The following AK7 variants were observed in gnomAD, a reference collection of about 807,000 sequenced individuals.
The protein encoded by AK7 is adenylate kinase 7.
AK7 carries 78 observed loss-of-function variants against 96.6 expected under a neutral mutation model. The observed-to-expected ratio is 0.81, with a 90% CI of 0.67 to 0.97. The LOEUF (loss-of-function observed/expected upper bound fraction) is 0.97. Among genes scored for constraint, AK7 ranks in the 50% least tolerant of loss-of-function variants. The pLI, the probability that AK7 is intolerant of heterozygous loss-of-function variation, is 0.00. For missense variants in AK7, 855 were observed against 887.9 expected (o/e 0.96, Z 0.47); for synonymous variants, 302 against 317.2 (o/e 0.95, Z 0.51).
chr14:96,473,102 A>G (rs1025202389), intron 14 of AK7, among the ~76,000 whole-genome samples: 5 of 151,396 alleles, frequency 3.3e-5, no homozygotes, highest in Non-Finnish European at 5.9e-5. Flanking sequence ...ATGCTGTCTG[A>G]TATCTCTCTC....
chr14:96,461,073 G>A (rs1323989512), intron 12 of AK7, among the ~76,000 whole-genome samples: 2 of 152,232 alleles, frequency 1.3e-5, no homozygotes, highest in African/African-American at 4.8e-5. Flanking sequence ...AGATTTCCCA[G>A]AGGGGAAAGG....
At chr14:96,468,419 C>A (rs774401155) in intron 12 of AK7, among the ~76,000 whole-genome samples, 1 of 151,682 alleles carries the variant, frequency 6.6e-6, no homozygotes, top group Non-Finnish European at 1.5e-5. Context: ...CCTCAGCCTC[C>A]CGAGTAGCTG....
chr14:96,406,937 G>T (rs978921862), intron 3 of AK7, among the ~76,000 whole-genome samples: 10 of 152,254 alleles, frequency 6.6e-5, no homozygotes, highest in South Asian at 4.2e-4. Context: ...CTCCAACAGG[G>T]CTGGGATTAC....
chr14:96,473,346 T>G (rs1399979644), intron 14 of AK7, among the ~76,000 whole-genome samples: 1 of 151,788 alleles, frequency 6.6e-6, no homozygotes, highest in African/African-American at 2.4e-5. Context: ...AATTTTTTTG[T>G]ATTTTTAGTA....
intron 3 of AK7, among the ~76,000 whole-genome samples, chr14:96,407,758 T>A (rs1013982066): frequency 1.3e-4 from 20 of 151,944 alleles, no homozygotes; most frequent in Non-Finnish European, 2.6e-4. Flanking sequence ...ATTTTTTGTA[T>A]TTTTAGTAGA....
chr14:96,433,632 G>C (rs1048445178), intron 5 of AK7, among the ~76,000 whole-genome samples: 1 of 152,040 alleles, frequency 6.6e-6, no homozygotes, highest in African/African-American at 2.4e-5. Flanking sequence ...CCTTTAGCTC[G>C]GAGAAGTTTG....
chr14:96,454,553 C>G (rs1295435521), intron 10 of AK7, among the ~76,000 whole-genome samples: 1 of 152,104 alleles, frequency 6.6e-6, no homozygotes, highest in East Asian at 1.9e-4. Context: ...CCACGACTCA[C>G]TGCAGCCTAG....
intron 14 of AK7, among the ~76,000 whole-genome samples, chr14:96,473,104 A>C (rs1024177608): frequency 1.1e-4 from 17 of 151,468 alleles, no homozygotes; most frequent in African/African-American, 3.6e-4. Flanking sequence ...GCTGTCTGAT[A>C]TCTCTCTCTT....
Position 96,399,539 on chromosome 14 carries a change from T to A in AK7, c.294+1276T>A, listed in dbSNP as rs961591728. ...TGAACTTCAGGAGACCAGCCGCATT[T>A]GCAGGTCTCACCCCTTCACCCCCGC... On this transcript the variant is annotated intron_variant, in intron 2 of 17. Coordinates refer to ENST00000267584, the MANE Select transcript of AK7 (RefSeq NM_152327.5). The surrounding 1 kb of genome is among the most constrained non-coding windows in gnomAD (Gnocchi z 4.1). Among the ~76,000 whole-genome samples, 1 of 152,202 alleles carries A rather than the reference T, an allele frequency of 6.6e-6. No individual in the cohort carries two copies. The highest frequency in any genetic ancestry group is 1.5e-5 in the Non-Finnish European group (1 of 68,028).
intron 8 of AK7, among the ~76,000 whole-genome samples, chr14:96,448,267 T>A (rs909897961): frequency 3.1e-4 from 47 of 152,226 alleles, no homozygotes; most frequent in African/African-American, 1.1e-3. Context: ...TACAACAAAA[T>A]ACCATAAACC....
chr14:96,458,742 CAAA>C (rs1010974357), intron 12 of AK7, among the ~76,000 whole-genome samples: 6 of 89,900 alleles, frequency 6.7e-5, no homozygotes, highest in East Asian at 3.1e-4. Flanking sequence ...AACTCTGTCT[CAAA>C]AAAAAAAAAA....
At chr14:96,418,851 C>T (rs900158404) in intron 4 of AK7, among the ~76,000 whole-genome samples, 1 of 152,204 alleles carries the variant, frequency 6.6e-6, no homozygotes, top group Non-Finnish European at 1.5e-5. Flanking sequence ...TCTCCTGCCT[C>T]TTCAGTTGTT....
chr14:96,440,268 C>G lies in AK7; in HGVS notation c.690+2353C>G, dbSNP rs1350783397. On this transcript the variant is annotated intron_variant, in intron 6 of 17. Coordinates refer to ENST00000267584, the MANE Select transcript of AK7 (RefSeq NM_152327.5). Reference sequence around the variant, plus strand: ...GATTACAGGCGTGAGCCACCGTGCCCGGCCTCGAACTGATTTTTTTAATAC... The same window carrying G: ...GATTACAGGCGTGAGCCACCGTGCCGGGCCTCGAACTGATTTTTTTAATAC... Among the ~76,000 whole-genome samples, 3 of 152,214 alleles carry G rather than the reference C, an allele frequency of 2.0e-5. No individual in the cohort carries two copies. In the East Asian group the frequency reaches 5.8e-4, roughly 29 times the overall value.
chr14:96,472,067 C>T (rs1032461600), intron 13 of AK7, among the ~76,000 whole-genome samples: 17 of 152,152 alleles, frequency 1.1e-4, no homozygotes, highest in African/African-American at 4.1e-4. Flanking sequence ...TACTCAAGTT[C>T]CCCATGTAAG....
At chr14:96,468,241 G>A (rs1894688412) in intron 12 of AK7, among the ~76,000 whole-genome samples, 2 of 147,960 alleles carry the variant, frequency 1.4e-5, no homozygotes, top group Non-Finnish European at 3.0e-5. Context: ...AGAAAGAAGG[G>A]TGATCTCTCT....
chr14:96,484,075 A>T (rs566564066), intron 16 of AK7, among the ~76,000 whole-genome samples: 20 of 152,166 alleles, frequency 1.3e-4, no homozygotes, highest in Non-Finnish European at 2.4e-4. Context: ...ACTAAATAAA[A>T]ATTAGCTGGG....
intron 5 of AK7, among the ~76,000 whole-genome samples, chr14:96,427,560 G>T (rs1474713059): frequency 2.6e-5 from 4 of 152,194 alleles, no homozygotes; most frequent in African/African-American, 9.6e-5. Flanking sequence ...TTCGACGTGA[G>T]ATTTGGGTGG....
At chr14:96,477,309 A>G (rs577053491) in intron 14 of AK7, among the ~76,000 whole-genome samples, 1 of 152,358 alleles carries the variant, frequency 6.6e-6, no homozygotes, top group Non-Finnish European at 1.5e-5. Flanking sequence ...GGCTTTCCCC[A>G]TTACACTTAC....
At chr14:96,393,292 T>C (rs1265448891) in intron 1 of AK7, among the ~76,000 whole-genome samples, 2 of 152,262 alleles carry the variant, frequency 1.3e-5, no homozygotes, top group Non-Finnish European at 2.9e-5. Flanking sequence ...CTGAGGCTAA[T>C]GACTGCACTT....
Sources: allele counts gnomAD v4.1 joint callset (sites outside exome capture counted in the v4.1 genomes callset), GRCh38; gene constraint gnomAD v4.1.1; non-coding constraint Gnocchi (gnomAD v3.1); transcripts MANE v1.5; gene names NCBI Gene and HGNC (gene_info 2026-07-23, HGNC 2026-07-21).